The following MMP16 variants were observed in gnomAD, a reference collection of about 807,000 sequenced individuals.
MMP16 encodes matrix metallopeptidase 16, also known as matrix metalloproteinase-16.
In MMP16, 12 loss-of-function variants were observed where a neutral mutation model predicts 67.8. That is an observed-to-expected ratio of 0.18 (90% CI 0.11 to 0.29). The LOEUF is 0.29. Ranked by LOEUF, MMP16 falls within the 10% of genes least tolerant of loss-of-function variation. The probability of loss-of-function intolerance (pLI) is 1.00; values close to 1 mark genes in which losing one functional copy is unlikely to be tolerated. For synonymous variants in MMP16, 249 were observed against 255.9 expected (o/e 0.97, Z 0.26); for missense variants, 475 against 765.7 (o/e 0.62, Z 4.48).
intron 1 of MMP16, among the ~76,000 whole-genome samples, chr8:88,251,146 A>G (rs932218791): frequency 2.6e-5 from 4 of 151,940 alleles, no homozygotes; most frequent in South Asian, 2.1e-4. Context: ...CATGGTGTAT[A>G]TGTGCCACAT....
intron 9 of MMP16, among the ~76,000 whole-genome samples, chr8:88,045,524 C>G (rs1808188109): frequency 6.6e-6 from 1 of 152,056 alleles, no homozygotes. Flanking sequence ...GTACATGCCA[C>G]CATGCCTTGC....
In MMP16 at chr8:88,112,264, T is replaced by C. The variant is rs1261698186; in HGVS notation, c.1083+4243A>G. 2.0e-5 allele frequency among the ~76,000 whole-genome samples: 3 copies of C among 151,354 alleles called. No homozygotes were observed. In the East Asian group the frequency reaches 5.9e-4, roughly 30 times the overall value. On this transcript the variant is annotated intron_variant, in intron 6 of 9. Transcript: ENST00000286614. Reference sequence around the variant, plus strand: ...TCCTATTTCCAGCTTCAAAAGAACATAGTTACCACTATATGCATTCATTCA... The same window carrying C: ...TCCTATTTCCAGCTTCAAAAGAACACAGTTACCACTATATGCATTCATTCA...
rs543853845 is a variant in MMP16 at position 88,105,876 on chromosome 8, CAAAA to C, written c.1083+10627_1083+10630del. Among the ~76,000 whole-genome samples, 870 of 150,728 alleles carry C rather than the reference CAAAA, an allele frequency of 5.8e-3. 12 individuals are homozygous for C. The highest frequency in any genetic ancestry group is 0.02 in the African/African-American group (836 of 41,280). ...TTCAGTGAAAAATAAAACTGCATGA[CAAAA>C]AAGAATAAAATATTAAAAATAATCT... On this transcript the variant is annotated intron_variant, in intron 6 of 9. Transcript: ENST00000286614.
chr8:88,201,144 CAAA>C (rs71277984), intron 1 of MMP16, among the ~76,000 whole-genome samples: 13,307 of 108,972 alleles, frequency 0.12, 729 homozygotes, highest in Middle Eastern at 0.22. Flanking sequence ...TTTCCCCCCC[CAAA>C]AAAAAAAAAA....
At chr8:88,137,507 C>A (rs777072336) in intron 4 of MMP16, among the ~76,000 whole-genome samples, 1 of 151,914 alleles carries the variant, frequency 6.6e-6, no homozygotes, top group African/African-American at 2.4e-5. Flanking sequence ...CCTCTTCTGA[C>A]TGCATTTAAG....
At chr8:88,074,234 T>C (rs28991887) in intron 7 of MMP16, among the ~76,000 whole-genome samples, 1 of 152,284 alleles carries the variant, frequency 6.6e-6, no homozygotes, top group African/African-American at 2.4e-5. Flanking sequence ...AGAGATTATG[T>C]ATGAAAATAG....
intron 1 of MMP16, among the ~76,000 whole-genome samples, chr8:88,322,525 T>C (rs1182084785): frequency 1.3e-5 from 2 of 152,034 alleles, no homozygotes; most frequent in African/African-American, 2.4e-5. Flanking sequence ...ACCTTTATTT[T>C]CTATTAATAA....
chr8:88,200,481 A>C (rs1231652893), intron 1 of MMP16, among the ~76,000 whole-genome samples: 2 of 152,028 alleles, frequency 1.3e-5, no homozygotes, highest in Non-Finnish European at 2.9e-5. Context: ...TAACTCATTC[A>C]AACATCTTGC....
intron 4 of MMP16, among the ~76,000 whole-genome samples, chr8:88,141,261 A>G (rs1418262850): frequency 6.6e-6 from 1 of 152,236 alleles, no homozygotes; most frequent in Non-Finnish European, 1.5e-5. Context: ...GTAGTCTAAT[A>G]GGCACAAAGG....
intron 7 of MMP16, among the ~76,000 whole-genome samples, chr8:88,065,067 T>G (rs1808446739): frequency 6.6e-6 from 1 of 152,138 alleles, no homozygotes; most frequent in Non-Finnish European, 1.5e-5. Context: ...TTGCTCTGCA[T>G]GTGAGTCCTC....
chr8:88,324,165 C>T (rs950679363), intron 1 of MMP16, among the ~76,000 whole-genome samples: 5 of 152,086 alleles, frequency 3.3e-5, no homozygotes, highest in Non-Finnish European at 7.4e-5. Context: ...TAGTGTCTGA[C>T]CCTTTCTTAG....
At chr8:88,289,687 GAA>G (rs1810890162) in intron 1 of MMP16, among the ~76,000 whole-genome samples, 1 of 68,364 alleles carries the variant, frequency 1.5e-5, no homozygotes, top group Non-Finnish European at 2.7e-5. Context: ...ACTCCTAGAG[GAA>G]ACACACACAC....
At chr8:88,181,350 G>T (rs966680093) in intron 3 of MMP16, among the ~76,000 whole-genome samples, 2 of 151,812 alleles carry the variant, frequency 1.3e-5, no homozygotes, top group Non-Finnish European at 2.9e-5. Flanking sequence ...AGGATACAAG[G>T]TTAATATATA....
At chr8:88,149,344 T>C (rs1039065110) in intron 4 of MMP16, among the ~76,000 whole-genome samples, 10 of 152,126 alleles carry the variant, frequency 6.6e-5, no homozygotes, top group Admixed American at 1.3e-4. Context: ...AACCTCGAAC[T>C]GGGTGGAGCC....
At chr8:88,260,584 G>T (rs761566057) in intron 1 of MMP16, among the ~76,000 whole-genome samples, 2 of 151,844 alleles carry the variant, frequency 1.3e-5, no homozygotes, top group African/African-American at 2.4e-5. Context: ...AATCCTAAAT[G>T]ACTTTATCAG....
At chr8:88,093,339 G>C (rs545109989) in intron 6 of MMP16, among the ~76,000 whole-genome samples, 1 of 151,938 alleles carries the variant, frequency 6.6e-6, no homozygotes, top group South Asian at 2.1e-4. Flanking sequence ...TTTTCTGTGA[G>C]AATTAAAATT....
intron 3 of MMP16, among the ~76,000 whole-genome samples, chr8:88,172,450 T>A (rs1808819368): frequency 6.6e-6 from 1 of 152,202 alleles, no homozygotes; most frequent in Admixed American, 6.5e-5. Context: ...TTTGTATTTA[T>A]AACTGAACTG....
At chr8:88,133,039 G>C (rs1240363639) in intron 4 of MMP16, among the ~76,000 whole-genome samples, 1 of 151,794 alleles carries the variant, frequency 6.6e-6, no homozygotes, top group East Asian at 1.9e-4. Flanking sequence ...TAGGTCTACT[G>C]TATTCAAAGT....
intron 1 of MMP16, among the ~76,000 whole-genome samples, chr8:88,302,321 CA>C (rs935126691): frequency 1.3e-5 from 2 of 152,204 alleles, no homozygotes; most frequent in Non-Finnish European, 2.9e-5. Flanking sequence ...AAAAACGTGG[CA>C]TAGAAACCCC....
Sources: gnomAD v4.1 joint callset for allele counts (sites outside exome capture counted in the v4.1 genomes callset) on GRCh38, gnomAD v4.1.1 for gene constraint, MANE v1.5 for transcripts, NCBI Gene and HGNC (gene_info 2026-07-23, HGNC 2026-07-21) for gene names.